The following LHFPL3 variants were observed in gnomAD, a reference collection of about 807,000 sequenced individuals.
The protein encoded by LHFPL3 is LHFPL tetraspan subfamily member 3.
In LHFPL3, 5 loss-of-function variants were observed where a neutral mutation model predicts 19.3. The ratio of observed to expected loss-of-function variants is 0.26; its 90% CI spans 0.14 to 0.54. The LOEUF (loss-of-function observed/expected upper bound fraction) is 0.54. LHFPL3 is among the 20% of genes least tolerant of loss of function. The pLI is 0.94. For synonymous variants in LHFPL3, 133 were observed against 126.2 expected, an observed-to-expected ratio of 1.05 and a Z score of -0.36; for missense variants, 249 against 307.4, an observed-to-expected ratio of 0.81 and a Z score of 1.42.
chr7:104,878,371 T>C (rs1482534013), intron 2 of LHFPL3, among the ~76,000 whole-genome samples: 1 of 152,188 alleles, frequency 6.6e-6, no homozygotes, highest in Non-Finnish European at 1.5e-5. Flanking sequence ...CGTGTCACAT[T>C]TCTGTTATTC....
At chr7:104,561,641 G>A (rs927595084) in intron 1 of LHFPL3, among the ~76,000 whole-genome samples, 14 of 152,104 alleles carry the variant, frequency 9.2e-5, no homozygotes, top group Non-Finnish European at 1.8e-4. Flanking sequence ...TATCCAATTT[G>A]CCAGTCTGTG....
intron 1 of LHFPL3, among the ~76,000 whole-genome samples, chr7:104,593,759 C>T (rs1271237312): frequency 4.6e-5 from 7 of 152,144 alleles, no homozygotes; most frequent in Non-Finnish European, 1.0e-4. Context: ...ATAGTTAGCT[C>T]TTCTTGTTGA....
intron 1 of LHFPL3, among the ~76,000 whole-genome samples, chr7:104,374,049 T>TTA (rs1043802222): frequency 1.3e-5 from 2 of 152,058 alleles, no homozygotes; most frequent in Non-Finnish European, 2.9e-5. Context: ...TGATGAGGAT[T>TTA]TATAGTTTGT....
intron 1 of LHFPL3, among the ~76,000 whole-genome samples, chr7:104,471,191 G>A: frequency 6.6e-6 from 1 of 152,108 alleles, no homozygotes; most frequent in East Asian, 1.9e-4. Flanking sequence ...CTATGTGTTG[G>A]TGTTAATGGT....
In LHFPL3 at chr7:104,439,780, G is replaced by T. The variant is rs1792180393; in HGVS notation, c.445+110556G>T. 1.3e-5 allele frequency among the ~76,000 whole-genome samples: 2 copies of T among 151,900 alleles called. 1 individual carries two copies. The highest frequency in any genetic ancestry group is 4.1e-4 in the South Asian group (2 of 4,826). ...CTGAACGCTTTTCTCCTCAGATTAGGAACAAAACAAGGATGTCTACTTTTA... is the reference window on the plus strand; with the variant it reads ...CTGAACGCTTTTCTCCTCAGATTAGTAACAAAACAAGGATGTCTACTTTTA... On this transcript the variant is annotated intron_variant, in intron 1 of 2. Coordinates refer to ENST00000424859, the MANE Select transcript of LHFPL3 (RefSeq NM_199000.3).
intron 2 of LHFPL3, among the ~76,000 whole-genome samples, chr7:104,902,540 A>T (rs1306711777): frequency 6.6e-6 from 1 of 151,920 alleles, no homozygotes; most frequent in Non-Finnish European, 1.5e-5. Flanking sequence ...TAATCCCAGC[A>T]CTTTGGGAGG....
chr7:104,477,345 ATATC>A (rs1793042079), intron 1 of LHFPL3, among the ~76,000 whole-genome samples: 1 of 152,164 alleles, frequency 6.6e-6, no homozygotes, highest in Admixed American at 6.6e-5. Context: ...CATTCAATAA[ATATC>A]TATCAAGTGT....
At chr7:104,374,744 T>G (rs1371083158) in intron 1 of LHFPL3, among the ~76,000 whole-genome samples, 1 of 152,158 alleles carries the variant, frequency 6.6e-6, no homozygotes, top group East Asian at 1.9e-4. Context: ...GGACCAATGT[T>G]ATGTGAATGA....
At chr7:104,769,278 T>C (rs1197812518) in intron 2 of LHFPL3, among the ~76,000 whole-genome samples, 3 of 152,166 alleles carry the variant, frequency 2.0e-5, no homozygotes, top group African/African-American at 4.8e-5. Flanking sequence ...AAAAGACATA[T>C]TTCAGCAAAA....
rs920050003 is a variant in LHFPL3, at chr7:104,864,957, G to A, written c.683-41230G>A. Among the ~76,000 whole-genome samples, 41 of 152,278 alleles carry A rather than the reference G, an allele frequency of 2.7e-4. 1 individual carries two copies. Among genetic ancestry groups the A allele is most frequent in the Admixed American group, 1.6e-3 (25 of 15,292 alleles). On this transcript the variant is annotated intron_variant, in intron 2 of 2. Coordinates refer to ENST00000424859, the MANE Select transcript of LHFPL3 (RefSeq NM_199000.3). ...TGCAGCCTCCACTGCTGATAGCCAG[G>A]CAAACAGGGTCTGGAATGGACCTCC...
intron 2 of LHFPL3, among the ~76,000 whole-genome samples, chr7:104,800,396 A>C (rs1310500536): frequency 6.6e-6 from 1 of 151,570 alleles, no homozygotes; most frequent in Non-Finnish European, 1.5e-5. Context: ...CTCTCCAAAC[A>C]CTCCTAACCT....
At chr7:104,837,062 C>T (rs954877007) in intron 2 of LHFPL3, among the ~76,000 whole-genome samples, 2 of 152,174 alleles carry the variant, frequency 1.3e-5, no homozygotes, top group African/African-American at 4.8e-5. Context: ...GGCAGGGAAT[C>T]AGAAACCCTG....
intron 1 of LHFPL3, among the ~76,000 whole-genome samples, chr7:104,541,423 T>C (rs1794485095): frequency 6.6e-6 from 1 of 152,150 alleles, no homozygotes. Context: ...CCTGCCATCA[T>C]TGTGTCTGAA....
At position 104,667,264 on chromosome 7, in the gene LHFPL3, T is replaced by TG. The variant is rs112543248; in HGVS notation, c.446-69402dup. On this transcript the variant is annotated intron_variant, in intron 1 of 2. Transcript: ENST00000424859. ...CCCCTCCTACAATCATCTGTTTTCT[T>TG]GGGGGGGGGAATCTTTAATTGGCTT... Among the ~76,000 whole-genome samples the TG allele has an allele frequency of 7.6e-3, 1,121 of 148,168 alleles. 14 individuals carry two copies. Among genetic ancestry groups the TG allele is most frequent in the East Asian group, 0.015 (76 of 5,010 alleles).
At chr7:104,757,284 A>G (rs1379917561) in intron 2 of LHFPL3, among the ~76,000 whole-genome samples, 1 of 152,196 alleles carries the variant, frequency 6.6e-6, no homozygotes, top group Non-Finnish European at 1.5e-5. Flanking sequence ...TACCATCTGG[A>G]CATCAGCCTT....
At position 104,521,260 on chromosome 7, in the gene LHFPL3, G is replaced by T. The variant is rs1367183743; in HGVS notation, c.445+192036G>T. On this transcript the variant is annotated intron_variant, in intron 1 of 2. Transcript: ENST00000424859. ...AGTTTCCATGTAGTTGAGTGGTTTTGAGTGAGATTCTTAATCCTGAGTTCT... is the reference window on the plus strand; with the variant it reads ...AGTTTCCATGTAGTTGAGTGGTTTTTAGTGAGATTCTTAATCCTGAGTTCT... 3.9e-5 allele frequency among the ~76,000 whole-genome samples: 6 copies of T among 152,240 alleles called. No homozygotes were observed. In the East Asian group the frequency reaches 1.2e-3, roughly 29 times the overall value.
intron 1 of LHFPL3, among the ~76,000 whole-genome samples, chr7:104,488,838 G>A (rs1370490436): frequency 6.6e-6 from 1 of 152,174 alleles, no homozygotes; most frequent in Non-Finnish European, 1.5e-5. Context: ...GCACTAAGAA[G>A]GATTCAGATT....
At chr7:104,771,854 G>A (rs563126000) in intron 2 of LHFPL3, among the ~76,000 whole-genome samples, 6 of 110,420 alleles carry the variant, frequency 5.4e-5, no homozygotes, top group Non-Finnish European at 5.0e-5. Context: ...AGACGGTTTC[G>A]CTCTGTCGCC....
intron 1 of LHFPL3, among the ~76,000 whole-genome samples, chr7:104,391,399 A>T (rs1349920919): frequency 6.6e-6 from 1 of 152,202 alleles, no homozygotes; most frequent in African/African-American, 2.4e-5. Flanking sequence ...AGCTTTCTAC[A>T]TATGGCTAGC....
Sources: allele counts gnomAD v4.1 joint callset (sites outside exome capture counted in the v4.1 genomes callset), GRCh38; gene constraint gnomAD v4.1.1; transcripts MANE v1.5; gene names NCBI Gene and HGNC (gene_info 2026-07-23, HGNC 2026-07-21).